The following SNAPC3 variants were observed in gnomAD, a reference collection of about 807,000 sequenced individuals.
SNAPC3 encodes snRNA-activating protein complex subunit 3.
In SNAPC3, 56 loss-of-function variants were observed where a neutral mutation model predicts 47.7. The observed-to-expected ratio is 1.18, with a 90% CI of 0.95 to 1.47. The LOEUF (loss-of-function observed/expected upper bound fraction) is 1.47, where lower values mean the gene tolerates loss of function less well. SNAPC3 is among the 40% of genes most tolerant of loss of function. SNAPC3 has a pLI of 0.00. For missense variants in SNAPC3, 665 were observed against 511.3 expected (o/e 1.30, Z -2.90); for synonymous variants, 235 against 189.9 (o/e 1.24, Z -1.95).
At chr9:15,444,262 T>C (rs2033747851) in intron 3 of SNAPC3, among the ~76,000 whole-genome samples, 1 of 152,222 alleles carries the variant, frequency 6.6e-6, no homozygotes. Flanking sequence ...GAATATTTGA[T>C]AAGGAATGTA....
rs1421101268 is a variant in SNAPC3, at chr9:15,453,310, C to T, written c.980+105C>T. 8 of 862,366 alleles carry T rather than the reference C, an allele frequency of 9.3e-6. No individual in the cohort carries two copies. The East Asian group carries it at 1.5e-4, about 17-fold the overall frequency. The allele number at this position is 862,366 out of a possible 1,614,324, so 53.4% of individuals were successfully genotyped here. A position where few individuals can be genotyped will look rare whatever the true frequency, so the allele number is the denominator to read the frequency against. On this transcript the variant is annotated intron_variant, in intron 7 of 8. Transcript: ENST00000380821. ...AAAATAAGAGGAGTAAAAGTAATAA[C>T]CATTGCAACTTGGCTTGGGAGCAGC...
At chr9:15,445,322 T>C (rs574427194) in intron 4 of SNAPC3, among the ~76,000 whole-genome samples, 7 of 152,338 alleles carry the variant, frequency 4.6e-5, no homozygotes, top group African/African-American at 1.7e-4. Flanking sequence ...TACTAATTCT[T>C]GAGGGATTTT....
rs371043248 is a variant in SNAPC3, at chr9:15,460,912, A to G, written c.*1046A>G. 4 of 152,360 alleles carry G rather than the reference A, an allele frequency of 2.6e-5. No individual in the cohort carries two copies. Among genetic ancestry groups the G allele is most frequent in the Admixed American group, 6.5e-5 (1 of 15,306 alleles). 9.4% of individuals were successfully genotyped at this position (152,360 alleles called of 1,614,324 possible). On this transcript the variant is annotated 3_prime_UTR_variant, in exon 9 of 9. Transcript: ENST00000380821. The stretch of plus-strand genomic sequence containing the variant: ...GTTTAAAATATGTCAATTTAATACT[A>G]TGATTTAAAAAACAATAGCAGATTT...
intron 6 of SNAPC3, among the ~76,000 whole-genome samples, chr9:15,452,450 C>G (rs2034460654): frequency 6.6e-6 from 1 of 152,016 alleles, no homozygotes; most frequent in Non-Finnish European, 1.5e-5. Flanking sequence ...TCCCCAGTAG[C>G]TGGGATTACA....
chr9:15,464,904 T>C (rs1201227127), downstream of SNAPC3: 1 of 213,186 alleles, frequency 4.7e-6, no homozygotes, highest in Non-Finnish European at 9.5e-6. Context: ...CAGTTCCATG[T>C]CAGTTGCTTA....
chr9:15,433,341 G>C (rs367941884), intron 2 of SNAPC3, among the ~76,000 whole-genome samples: 1 of 151,874 alleles, frequency 6.6e-6, no homozygotes, highest in African/African-American at 2.4e-5. Context: ...ATAATATTGT[G>C]TAAGAATTTA....
chr9:15,463,704 A>G (rs1052304993), downstream of SNAPC3: 20 of 151,530 alleles, frequency 1.3e-4, no homozygotes, highest in African/African-American at 4.9e-4. Context: ...ATTTCTTGAG[A>G]GTTATGATTA....
intron 2 of SNAPC3, among the ~76,000 whole-genome samples, chr9:15,429,761 TG>T (rs1175251744): frequency 3.9e-5 from 6 of 152,204 alleles, no homozygotes; most frequent in African/African-American, 9.6e-5. Flanking sequence ...GTGATAGAGT[TG>T]AGACCAAATA....
In SNAPC3 at chr9:15,444,537, T is replaced by C. The variant is rs193011251; in HGVS notation, c.478-65T>C. 2.4e-5 allele frequency: 24 copies of C among 1,004,276 alleles called. 1 individual carries two copies. Among genetic ancestry groups the C allele is most frequent in the Non-Finnish European group, 3.7e-5 (24 of 643,244 alleles). The allele number at this position is 1,004,276 out of a possible 1,614,324, so 62.2% of individuals were successfully genotyped here. ...GACTCGATCCCTTGCTGATAGCCAT[T>C]GTACCACACTGCATCTTATCTGAGT... On this transcript the variant is annotated intron_variant, in intron 3 of 8. Coordinates refer to ENST00000380821, the MANE Select transcript of SNAPC3 (RefSeq NM_001039697.2).
At position 15,427,534 on chromosome 9, in the gene SNAPC3, G is replaced by C. The variant is rs182045165; in HGVS notation, c.392+3548G>C. ...TGGCTAATTTTTTATATTTTTAGTA[G>C]AGATGGGGTTTCACCATTTTGACCA... On this transcript the variant is annotated intron_variant, in intron 2 of 8. Coordinates refer to ENST00000380821, the MANE Select transcript of SNAPC3 (RefSeq NM_001039697.2). Among the ~76,000 whole-genome samples, 181 of 152,202 alleles carry C rather than the reference G, an allele frequency of 1.2e-3. 2 individuals are homozygous for C. Among genetic ancestry groups the C allele is most frequent in the African/African-American group, 4.0e-3 (168 of 41,514 alleles).
At chr9:15,440,657 T>TA (rs1317689885) in intron 3 of SNAPC3, among the ~76,000 whole-genome samples, 1 of 152,032 alleles carries the variant, frequency 6.6e-6, no homozygotes, top group Admixed American at 6.6e-5. Context: ...TAGATAGATT[T>TA]AAAAAATCAG....
downstream of SNAPC3, chr9:15,465,695 A>G: frequency 2.5e-6 from 2 of 796,960 alleles, no homozygotes; most frequent in Non-Finnish European, 3.9e-6. Context: ...AAACCAACCA[A>G]ACAAAAGAAA....
chr9:15,461,626 C>T lies in SNAPC3; in HGVS notation c.*1760C>T, dbSNP rs1587435103. On this transcript the variant is annotated 3_prime_UTR_variant, in exon 9 of 9. Transcript: ENST00000380821. Reference sequence around the variant, plus strand: ...AATAAATAAATTCCACTTTCTCTCTCCTAGGTTGTATTTAAATTTGACTGA... The same window carrying T: ...AATAAATAAATTCCACTTTCTCTCTTCTAGGTTGTATTTAAATTTGACTGA... The T allele has an allele frequency of 6.6e-6, 1 of 152,196 alleles. No individual in the cohort carries two copies. Among genetic ancestry groups the T allele is most frequent in the African/African-American group, 2.4e-5 (1 of 41,448 alleles). The allele number at this position is 152,196 out of a possible 1,614,324, so 9.4% of individuals were successfully genotyped here.
At chr9:15,423,283 G>T in intron 1 of SNAPC3, 90 bp downstream of exon 1, 3 of 1,323,412 alleles carry the variant, frequency 2.3e-6, no homozygotes, top group Non-Finnish European at 3.0e-6. Flanking sequence ...TCCCTGAGAA[G>T]GGCCTGTGGT....
chr9:15,424,011 C>T (rs1370168604), intron 2 of SNAPC3, 25 bp downstream of exon 2: 2 of 1,334,130 alleles, frequency 1.5e-6, no homozygotes, highest in Non-Finnish European at 2.1e-6. Context: ...GTTTTTATGA[C>T]CTATTTATTT....
chr9:15,433,562 AG>A lies in SNAPC3; in HGVS notation c.405del (p.Arg135SerfsTer12), dbSNP rs1447101072. On this transcript the variant is annotated frameshift_variant, in exon 3 of 9. Coordinates refer to ENST00000380821, the MANE Select transcript of SNAPC3 (RefSeq NM_001039697.2). LOFTEE classifies it high-confidence loss of function. ...TDLVTLGVRK[R>X]FLEHREETIT... is the part of the protein sequence containing the mutation. ...TTACATCTACAACAGGGTTAGAAAA[AG>A]GTTCTTGGAACATCGGGAAGAAACC... is the stretch of plus-strand genomic sequence containing the variant. 6.3e-6 allele frequency: 10 copies of A among 1,597,352 alleles called. No homozygotes were observed. The highest frequency in any genetic ancestry group is 8.5e-6 in the Non-Finnish European group (10 of 1,170,184).
At position 15,459,899 on chromosome 9, in the gene SNAPC3, G is replaced by A. The variant is rs191301427; in HGVS notation, c.*33G>A. The A allele has an allele frequency of 4.0e-5, 63 of 1,586,192 alleles. No individual in the cohort carries two copies. The African/African-American group carries it at 6.6e-4, about 17-fold the overall frequency. On this transcript the variant is annotated 3_prime_UTR_variant, in exon 9 of 9. Transcript: ENST00000380821. ...TACACTCACAAAAATACCCCCTCATGAAATAACTGTTCTCTTGGATGGTTA... is the reference window on the plus strand; with the variant it reads ...TACACTCACAAAAATACCCCCTCATAAAATAACTGTTCTCTTGGATGGTTA...
chr9:15,437,697 C>T (rs151064686), intron 3 of SNAPC3, among the ~76,000 whole-genome samples: 22 of 147,092 alleles, frequency 1.5e-4, no homozygotes, highest in Non-Finnish European at 2.7e-4. Context: ...TGTTAAATTA[C>T]CCTTGCATTT....
intron 2 of SNAPC3, among the ~76,000 whole-genome samples, chr9:15,430,755 T>C (rs2032037025): frequency 6.6e-6 from 1 of 152,128 alleles, no homozygotes; most frequent in Non-Finnish European, 1.5e-5. Context: ...TTGAATACGC[T>C]ATGGGAAATC....
Sources: gnomAD v4.1 joint callset for allele counts (sites outside exome capture counted in the v4.1 genomes callset) on GRCh38, gnomAD v4.1.1 for gene constraint, MANE v1.5 for transcripts, NCBI Gene and HGNC (gene_info 2026-07-23, HGNC 2026-07-21) for gene names.